Variants in ASNS observed in about 807,000 individuals in gnomAD.
ASNS encodes asparagine synthetase [glutamine-hydrolyzing].
In ASNS, 37 loss-of-function variants were observed where a neutral mutation model predicts 62.6. The observed-to-expected ratio is 0.59, with a 90% confidence interval of 0.45 to 0.78. The LOEUF is 0.78. Ranked by LOEUF, ASNS falls within the 30% of genes least tolerant of loss-of-function variation. The pLI is 0.00. For missense variants in ASNS, 520 were observed against 682.4 expected (o/e 0.76, Z 2.65); for synonymous variants, 207 against 237.9 (o/e 0.87, Z 1.19).
Position 97,853,167 on chromosome 7 carries a change from G to T in ASNS, c.1369C>A (p.Leu457Met), listed in dbSNP as rs1791269267. Residue 457 changes from leucine (L) to methionine (M), a missense_variant, in exon 12 of 13, where the codon CTG (leucine) becomes ATG (methionine). Transcript: ENST00000394308. ...CGCCAGAGAATCTCTTTGGGTATCA[G>T]ATTGGAATCCTCAAACGTCTCTCTC... is the stretch of plus-strand genomic sequence containing the variant. ...LLRETFEDSNLIPKEILWRPK... is the reference protein window; with the variant it reads ...LLRETFEDSNMIPKEILWRPK... 2 of 1,611,660 alleles carry T rather than the reference G, an allele frequency of 1.2e-6. No homozygotes were observed. The highest frequency in any genetic ancestry group is 8.5e-7 in the Non-Finnish European group (1 of 1,179,096).
At chr7:97,865,438 T>C (rs1196768552) in intron 3 of ASNS, among the ~76,000 whole-genome samples, 4 of 152,234 alleles carry the variant, frequency 2.6e-5, no homozygotes, top group Admixed American at 1.3e-4. Flanking sequence ...AGATGACTTT[T>C]AAATGTTTCT....
chr7:97,868,851 T>C lies in ASNS; in HGVS notation c.249+57A>G, dbSNP rs1792107753. ...TGATACAGAATATGTAACATCATCGTAACCAACAAACTCTGAAGTTTAATC... is the reference window on the plus strand; with the variant it reads ...TGATACAGAATATGTAACATCATCGCAACCAACAAACTCTGAAGTTTAATC... On this transcript the variant is annotated intron_variant, in intron 3 of 12. Transcript: ENST00000394308. The C allele has an allele frequency of 3.1e-6, 5 of 1,596,802 alleles. No homozygotes were observed. The South Asian group carries it at 5.6e-5, about 18-fold the overall frequency.
the ASNS span, among the ~76,000 whole-genome samples, chr7:97,886,578 G>A: frequency 5.9e-5 from 9 of 151,994 alleles, no homozygotes; most frequent in East Asian, 1.9e-4. Context: ...GGGGAGAAGT[G>A]GGGCCAAAAA....
upstream of ASNS, among the ~76,000 whole-genome samples, chr7:97,877,008 T>G (rs1224513653): frequency 1.3e-5 from 2 of 152,046 alleles, no homozygotes; most frequent in Non-Finnish European, 2.9e-5. Flanking sequence ...GGTTAAAGCA[T>G]CCCTCTTTCA....
chr7:97,889,942 A>AAAAAAAAAAAAAAAAAAAG, the ASNS span, among the ~76,000 whole-genome samples: 1 of 149,674 alleles, frequency 6.7e-6, no homozygotes, highest in Non-Finnish European at 1.5e-5. Context: ...AAAAAAAAAA[A>AAAAAAAAAAAAAAAAAAAG]AAAAAAAAAC....
Position 97,858,261 on chromosome 7 carries a change from C to T in ASNS, c.903+17G>A, listed in dbSNP as rs913515874. ...TACTCTAACTACACTACACAAGGGA[C>T]AGAGACAGCACCTTACCTTTCTAGC... On this transcript the variant is annotated intron_variant, in intron 7 of 12. Coordinates refer to ENST00000394308, the MANE Select transcript of ASNS (RefSeq NM_001673.5). 1.2e-5 allele frequency: 20 copies of T among 1,611,938 alleles called. No homozygotes were observed. The highest frequency in any genetic ancestry group is 1.7e-5 in the Non-Finnish European group (20 of 1,179,714).
At chr7:97,923,618 C>T in the ASNS span, among the ~76,000 whole-genome samples, 1 of 152,274 alleles carries the variant, frequency 6.6e-6, no homozygotes, top group Non-Finnish European at 1.5e-5. Flanking sequence ...CCTGGGATGC[C>T]TCCCAAGCCC....
At chr7:97,899,725 C>T in the ASNS span, among the ~76,000 whole-genome samples, 21,091 of 152,100 alleles carry the variant, frequency 0.14, 1,695 homozygotes, top group Non-Finnish European at 0.19. Context: ...GGTTCATCCA[C>T]GCTGTAGCGT....
chr7:97,925,710 G>A, the ASNS span, among the ~76,000 whole-genome samples: 2 of 152,184 alleles, frequency 1.3e-5, no homozygotes, highest in Non-Finnish European at 2.9e-5. Flanking sequence ...AACCCTGGAT[G>A]CTTTTACCTG....
chr7:97,876,297 G>A (rs946418724), upstream of ASNS, among the ~76,000 whole-genome samples: 24 of 152,222 alleles, frequency 1.6e-4, 1 homozygote, highest in South Asian at 2.5e-3. Context: ...CTGTGTGACC[G>A]TCACCTTTGG....
At chr7:97,896,739 C>T in the ASNS span, among the ~76,000 whole-genome samples, 2,344 of 30,824 alleles carry the variant, frequency 0.076, 55 homozygotes, top group East Asian at 0.17. Context: ...CACACACACA[C>T]ACATATATAT....
At chr7:97,903,346 A>G in the ASNS span, among the ~76,000 whole-genome samples, 1 of 151,264 alleles carries the variant, frequency 6.6e-6, no homozygotes, top group South Asian at 2.1e-4. Context: ...AATGGCATCT[A>G]CTGGGCTCAA....
chr7:97,905,162 C>T, the ASNS span, among the ~76,000 whole-genome samples: 5 of 152,344 alleles, frequency 3.3e-5, no homozygotes, highest in African/African-American at 9.6e-5. Context: ...ACTCTAGCTA[C>T]ATCATGCAAC....
In ASNS at chr7:97,864,142, C is replaced by G. The variant is rs187453901; in HGVS notation, c.487+117G>C. On this transcript the variant is annotated intron_variant, in intron 4 of 12. Coordinates refer to ENST00000394308, the MANE Select transcript of ASNS (RefSeq NM_001673.5). The stretch of plus-strand genomic sequence containing the variant: ...GTTTTTTTAAAAAAAGGTAAAGACT[C>G]ATAACTTAGTCACTTGTAAAATTCT... 9.0e-5 allele frequency: 79 copies of G among 873,542 alleles called. No individual in the cohort carries two copies. In the African/African-American group the frequency reaches 1.2e-3, roughly 13 times the overall value. The allele number at this position is 873,542 out of a possible 1,614,324, so 54.1% of individuals were successfully genotyped here.
chr7:97,899,993 A>G, the ASNS span, among the ~76,000 whole-genome samples: 1 of 152,240 alleles, frequency 6.6e-6, no homozygotes, highest in African/African-American at 2.4e-5. Context: ...AATGAAATTC[A>G]TCATCAGGGA....
At chr7:97,898,978 C>A in the ASNS span, 3 of 752,236 alleles carry the variant, frequency 4.0e-6, no homozygotes, top group Non-Finnish European at 7.2e-6. Flanking sequence ...TCCTGGCGAC[C>A]AAGTCTTTCC....
At chr7:97,918,527 G>A in the ASNS span, among the ~76,000 whole-genome samples, 4 of 152,224 alleles carry the variant, frequency 2.6e-5, no homozygotes, top group Non-Finnish European at 4.4e-5. Context: ...GTTCCAACGT[G>A]AGACAATGTC....
chr7:97,876,993 A>G (rs1351437715), upstream of ASNS, among the ~76,000 whole-genome samples: 2 of 152,208 alleles, frequency 1.3e-5, no homozygotes, highest in African/African-American at 2.4e-5. Flanking sequence ...ACTTGTTACA[A>G]ATGGGGTTAA....
the ASNS span, among the ~76,000 whole-genome samples, chr7:97,886,935 C>A: frequency 8.9e-4 from 135 of 152,252 alleles, no homozygotes; most frequent in Non-Finnish European, 2.1e-4. Context: ...AACTGAGTGC[C>A]CCCCACATAG....
Sources: gnomAD v4.1 joint callset for allele counts (sites outside exome capture counted in the v4.1 genomes callset) on GRCh38, gnomAD v4.1.1 for gene constraint, MANE v1.5 for transcripts, NCBI Gene and HGNC (gene_info 2026-07-23, HGNC 2026-07-21) for gene names.